Variants in OTUD7A observed in about 807,000 individuals in gnomAD.
OTUD7A encodes the protein OTU deubiquitinase 7A.
In OTUD7A, 12 loss-of-function variants were observed where a neutral mutation model predicts 65.7. The observed-to-expected ratio is 0.18, with a 90% CI of 0.12 to 0.30. OTUD7A has a LOEUF of 0.30. Among genes scored for constraint, OTUD7A ranks in the 10% least tolerant of loss-of-function variants. OTUD7A has a pLI of 1.00. For synonymous variants in OTUD7A, 641 were observed against 586.3 expected, an observed-to-expected ratio of 1.09 and a Z score of -1.35; for missense variants, 1,148 against 1,304.8, an observed-to-expected ratio of 0.88 and a Z score of 1.85.
chr15:31,542,099 G>A (rs766535051), intron 5 of OTUD7A, among the ~76,000 whole-genome samples: 2 of 152,122 alleles, frequency 1.3e-5, no homozygotes, highest in Non-Finnish European at 2.9e-5. Flanking sequence ...TCTCTAAGAG[G>A]AGTACACTCT....
At chr15:31,693,415 G>C (rs564530329) in intron 1 of OTUD7A, among the ~76,000 whole-genome samples, 2,044 of 152,096 alleles carry the variant, frequency 0.013, 37 homozygotes, top group African/African-American at 0.047. Flanking sequence ...CAAAAGGGAG[G>C]GGGGTAAGGC....
chr15:31,687,260 G>T (rs1339218527), intron 1 of OTUD7A, among the ~76,000 whole-genome samples: 1 of 152,124 alleles, frequency 6.6e-6, no homozygotes, highest in Non-Finnish European at 1.5e-5. Context: ...ATGGGGGAGT[G>T]CACATCGGGA....
In OTUD7A at chr15:31,603,365, T is replaced by C. The variant is rs1255291891; in HGVS notation, c.152-33168A>G. ...GGGAAAGGATTCCCTATTTAATAAA[T>C]AGTGTTGGGAAAACTGGCTAGCCAT... On this transcript the variant is annotated intron_variant, in intron 3 of 12. Coordinates refer to ENST00000307050, the MANE Select transcript of OTUD7A (RefSeq NM_001382637.1). 2.6e-5 allele frequency among the ~76,000 whole-genome samples: 4 copies of C among 152,186 alleles called. No individual in the cohort carries two copies. In the East Asian group the frequency reaches 7.7e-4, roughly 29 times the overall value.
At chr15:31,666,913 T>A (rs1382959870) in intron 1 of OTUD7A, among the ~76,000 whole-genome samples, 4 of 152,226 alleles carry the variant, frequency 2.6e-5, no homozygotes, top group Non-Finnish European at 5.9e-5. Flanking sequence ...AACAGGTTAT[T>A]TAATTCCCAT....
intron 5 of OTUD7A, among the ~76,000 whole-genome samples, chr15:31,544,571 A>C (rs1017714102): frequency 4.0e-5 from 6 of 151,860 alleles, no homozygotes; most frequent in Non-Finnish European, 1.5e-5. Context: ...CATCTAACAA[A>C]ACTTTAGTTT....
intron 1 of OTUD7A, among the ~76,000 whole-genome samples, chr15:31,750,910 A>G (rs1037306438): frequency 6.6e-6 from 1 of 152,216 alleles, no homozygotes; most frequent in East Asian, 1.9e-4. Flanking sequence ...CCCTATCGCC[A>G]TATAAAAAAT....
chr15:31,654,340 CA>C (rs1466398979), intron 3 of OTUD7A, among the ~76,000 whole-genome samples: 4 of 142,412 alleles, frequency 2.8e-5, no homozygotes, highest in Non-Finnish European at 6.1e-5. Context: ...TCTTAATTTT[CA>C]ATATGATTGA....
intron 3 of OTUD7A, among the ~76,000 whole-genome samples, chr15:31,572,805 G>T (rs1889091502): frequency 6.6e-6 from 1 of 152,050 alleles, no homozygotes; most frequent in South Asian, 2.1e-4. Flanking sequence ...AGATAGCATA[G>T]TAAGAATGAT....
chr15:31,710,960 C>T (rs539755783), intron 1 of OTUD7A, among the ~76,000 whole-genome samples: 8 of 152,098 alleles, frequency 5.3e-5, no homozygotes, highest in South Asian at 2.1e-4. Context: ...ATTCAAGTCC[C>T]GGTGGCCCAG....
At chr15:31,815,491 G>A (rs1444075325) in intron 1 of OTUD7A, among the ~76,000 whole-genome samples, 1 of 152,246 alleles carries the variant, frequency 6.6e-6, no homozygotes, top group Non-Finnish European at 1.5e-5. Context: ...CAAGGAACGA[G>A]CTCAAGGTCA....
intron 3 of OTUD7A, among the ~76,000 whole-genome samples, chr15:31,651,966 G>A (rs557116851): frequency 7.1e-6 from 1 of 140,412 alleles, no homozygotes; most frequent in African/African-American, 2.6e-5. Flanking sequence ...AGAGTAGATA[G>A]AGGTAAGCAG....
chr15:31,616,775 C>T (rs1237123187), intron 3 of OTUD7A, among the ~76,000 whole-genome samples: 1 of 152,130 alleles, frequency 6.6e-6, no homozygotes, highest in East Asian at 1.9e-4. Flanking sequence ...AACTCCTGAC[C>T]TCAGGTGATC....
intron 1 of OTUD7A, among the ~76,000 whole-genome samples, chr15:31,667,451 G>A (rs1305392605): frequency 2.6e-5 from 4 of 152,142 alleles, no homozygotes; most frequent in South Asian, 2.1e-4. Flanking sequence ...AGCTACTGCT[G>A]CTTGCTTTTG....
intron 1 of OTUD7A, among the ~76,000 whole-genome samples, chr15:31,869,750 C>T (rs904458628): frequency 2.0e-5 from 3 of 152,198 alleles, no homozygotes; most frequent in African/African-American, 7.2e-5. Context: ...CAAAGGGCTG[C>T]AATAGCTTCA....
At chr15:31,776,150 C>G (rs899844740) in intron 1 of OTUD7A, among the ~76,000 whole-genome samples, 3 of 152,212 alleles carry the variant, frequency 2.0e-5, no homozygotes, top group African/African-American at 7.2e-5. Context: ...TCGGGCTGCC[C>G]CTGACAGCTG....
At chr15:31,618,753 T>G (rs1890676480) in intron 3 of OTUD7A, among the ~76,000 whole-genome samples, 1 of 152,216 alleles carries the variant, frequency 6.6e-6, no homozygotes, top group Admixed American at 6.5e-5. Flanking sequence ...GTAGTTTCTT[T>G]TGCTGTGCAG....
intron 10 of OTUD7A, among the ~76,000 whole-genome samples, chr15:31,499,646 G>A (rs1014508166): frequency 7.9e-5 from 12 of 152,268 alleles, no homozygotes; most frequent in African/African-American, 2.4e-4. Flanking sequence ...GACAAAGAGC[G>A]TGGCCATGGC....
intron 1 of OTUD7A, among the ~76,000 whole-genome samples, chr15:31,858,739 A>AT (rs530869062): frequency 1.5e-4 from 23 of 152,178 alleles, no homozygotes; most frequent in Non-Finnish European, 2.2e-4. Context: ...CAGCCCCACC[A>AT]TTCACTGGGC....
intron 3 of OTUD7A, among the ~76,000 whole-genome samples, chr15:31,621,343 A>C (rs1263711430): frequency 1.3e-5 from 2 of 152,110 alleles, no homozygotes; most frequent in Non-Finnish European, 2.9e-5. Context: ...TGTTTCGTTG[A>C]TCTGTCTATC....
Sources: gnomAD v4.1 joint callset for allele counts (sites outside exome capture counted in the v4.1 genomes callset) on GRCh38, gnomAD v4.1.1 for gene constraint, MANE v1.5 for transcripts, NCBI Gene and HGNC (gene_info 2026-07-23, HGNC 2026-07-21) for gene names.